The following EYS variants were observed in gnomAD, a reference collection of about 807,000 sequenced individuals.
EYS encodes the protein protein eyes shut homolog.
EYS carries 250 observed loss-of-function variants against 282.1 expected under a neutral mutation model. The ratio of observed to expected loss-of-function variants is 0.89; its 90% CI spans 0.80 to 0.98. EYS has a LOEUF of 0.98. Ranked by LOEUF, EYS falls within the 50% of genes least tolerant of loss-of-function variation. The probability of loss-of-function intolerance (pLI) is 0.00; values close to 1 mark genes in which losing one functional copy is unlikely to be tolerated. For missense variants in EYS, 4,016 were observed against 3,709.0 expected (o/e 1.08, Z -2.15); for synonymous variants, 1,355 against 1,282.9 (o/e 1.06, Z -1.20).
chr6:64,782,432 C>T (rs1176748620), intron 22 of EYS, among the ~76,000 whole-genome samples: 3 of 152,176 alleles, frequency 2.0e-5, no homozygotes, highest in African/African-American at 7.2e-5. Context: ...ATTTAGCTTG[C>T]AAAATGAACA....
At chr6:65,435,888 A>T (rs1243423008) in intron 5 of EYS, among the ~76,000 whole-genome samples, 1 of 152,156 alleles carries the variant, frequency 6.6e-6, no homozygotes, top group Non-Finnish European at 1.5e-5. Flanking sequence ...CCATGTGAGG[A>T]CACAAGATGG....
chr6:64,750,025 C>G (rs1212617645), intron 22 of EYS, among the ~76,000 whole-genome samples: 1 of 151,762 alleles, frequency 6.6e-6, no homozygotes, highest in Non-Finnish European at 1.5e-5. Flanking sequence ...TTTATTTTGT[C>G]ATTTGGGATT....
intron 35 of EYS, among the ~76,000 whole-genome samples, chr6:63,867,813 A>C (rs1172454455): frequency 1.3e-5 from 2 of 152,098 alleles, no homozygotes; most frequent in African/African-American, 4.8e-5. Context: ...TTGCCCTCTG[A>C]GATTCTGATT....
chr6:64,821,561 A>G (rs1205967231), intron 21 of EYS, 84 bp downstream of exon 21: 1 of 672,318 alleles, frequency 1.5e-6, no homozygotes. Context: ...GGAAGAAATG[A>G]CTCTGAAACC....
chr6:64,276,244 C>A (rs529608343), intron 30 of EYS, among the ~76,000 whole-genome samples: 3 of 152,214 alleles, frequency 2.0e-5, no homozygotes, highest in African/African-American at 7.2e-5. Flanking sequence ...AGCACTCAAC[C>A]AATATAATTT....
chr6:63,761,043 AC>A (rs1261787638), intron 41 of EYS, among the ~76,000 whole-genome samples: 1 of 147,608 alleles, frequency 6.8e-6, no homozygotes, highest in African/African-American at 2.5e-5. Flanking sequence ...TAAATATTTA[AC>A]CGATTTTTTT....
At chr6:64,377,261 G>C (rs1478299356) in intron 29 of EYS, among the ~76,000 whole-genome samples, 2 of 152,120 alleles carry the variant, frequency 1.3e-5, no homozygotes, top group African/African-American at 2.4e-5. Flanking sequence ...TCCATAGATA[G>C]TGAATCCAAA....
intron 30 of EYS, among the ~76,000 whole-genome samples, chr6:64,302,697 T>C (rs1472245371): frequency 1.3e-5 from 2 of 151,202 alleles, no homozygotes; most frequent in African/African-American, 4.9e-5. Context: ...AAAGGGGGAG[T>C]ATGAGTAAGG....
chr6:64,519,669 A>C (rs918576279), intron 26 of EYS, among the ~76,000 whole-genome samples: 1 of 151,820 alleles, frequency 6.6e-6, no homozygotes, highest in African/African-American at 2.4e-5. Context: ...CCACCCACCA[A>C]TTGGAGGATG....
Position 64,344,190 on chromosome 6 carries a change from C to T in EYS, c.6079-37108G>A, listed in dbSNP as rs12207160. On this transcript the variant is annotated intron_variant, in intron 29 of 42. Transcript: ENST00000503581. ...CCAATCAATAGAAAAAGAGGGAATC[C>T]TCCCTAACTCATTTCATGAGGCCAG... Among the ~76,000 whole-genome samples, 216 of 152,202 alleles carry T rather than the reference C, an allele frequency of 1.4e-3. 2 individuals are homozygous for T. Among genetic ancestry groups the T allele is most frequent in the Middle Eastern group, 3.4e-3 (1 of 292 alleles).
rs182535520 is a variant in EYS at position 64,639,084 on chromosome 6, G to C, written c.3444-12839C>G. Among the ~76,000 whole-genome samples, 10 of 89,440 alleles carry C rather than the reference G, an allele frequency of 1.1e-4. 2 individuals are homozygous for C. In the East Asian group the frequency reaches 1.2e-3, roughly 11 times the overall value. The allele number at this position is 89,440 out of a possible 152,430, so 58.7% of individuals were successfully genotyped here. On this transcript the variant is annotated intron_variant, in intron 22 of 42. Transcript: ENST00000503581. ...GACAGGATTGGTATCCTCTGAAGCC[G>C]TCTCCTTGACTTGTGAGAGACTGTC...
chr6:63,739,859 A>ATTT (rs34240759), intron 41 of EYS, among the ~76,000 whole-genome samples: 140 of 123,544 alleles, frequency 1.1e-3, no homozygotes, highest in African/African-American at 4.0e-3. Flanking sequence ...ACGCCCAGCT[A>ATTT]TTTTTTTTTT....
chr6:64,730,843 T>C (rs1316414348), intron 22 of EYS: 1 of 152,184 alleles, frequency 6.6e-6, no homozygotes, highest in Non-Finnish European at 1.5e-5. Context: ...TTTATATTAG[T>C]AATACTACAA....
At chr6:65,397,224 A>C (rs1766311417) in intron 7 of EYS, among the ~76,000 whole-genome samples, 1 of 151,822 alleles carries the variant, frequency 6.6e-6, no homozygotes, top group South Asian at 2.1e-4. Flanking sequence ...TAGAGACTAC[A>C]AGTGCAGTTT....
rs986892473 is a variant in EYS at position 64,849,555 on chromosome 6, A to G, written c.2993-26733T>C. Among the ~76,000 whole-genome samples the G allele has an allele frequency of 2.0e-5, 3 of 152,022 alleles. No homozygotes were observed. In the East Asian group the frequency reaches 5.8e-4, roughly 29 times the overall value. On this transcript the variant is annotated intron_variant, in intron 19 of 42. Transcript: ENST00000503581. ...AGTTTATTAGCTCACAGTTTTATATATTAGAAATATAAGTGGGCTTGACTC... is the reference window on the plus strand; with the variant it reads ...AGTTTATTAGCTCACAGTTTTATATGTTAGAAATATAAGTGGGCTTGACTC...
chr6:65,239,951 A>G (rs1341776659), intron 12 of EYS, among the ~76,000 whole-genome samples: 1 of 150,132 alleles, frequency 6.7e-6, no homozygotes, highest in Admixed American at 6.6e-5. Flanking sequence ...AAATCCATGT[A>G]TTTGTAGCAT....
In EYS at chr6:65,114,524, A is replaced by G. The variant is rs1391470193; in HGVS notation, c.2024-56797T>C. ...ATTTCAGGGTGGTTACTGAGAAAATACAGTAGTATTTTCTGTCCTGTCTGG... is the reference window on the plus strand; with the variant it reads ...ATTTCAGGGTGGTTACTGAGAAAATGCAGTAGTATTTTCTGTCCTGTCTGG... On this transcript the variant is annotated intron_variant, in intron 12 of 42. Coordinates refer to ENST00000503581, the MANE Select transcript of EYS (RefSeq NM_001142800.2). 1.3e-5 allele frequency among the ~76,000 whole-genome samples: 2 copies of G among 151,732 alleles called. 1 individual carries two copies. The highest frequency in any genetic ancestry group is 1.3e-4 in the Admixed American group (2 of 15,230).
intron 15 of EYS, among the ~76,000 whole-genome samples, chr6:64,943,956 G>C (rs1049916335): frequency 1.3e-5 from 2 of 151,976 alleles, no homozygotes; most frequent in African/African-American, 4.8e-5. Flanking sequence ...CAAACTATAC[G>C]TAAGTCTACA....
intron 12 of EYS, among the ~76,000 whole-genome samples, chr6:65,092,153 G>C (rs994188011): frequency 6.6e-6 from 1 of 151,850 alleles, no homozygotes; most frequent in Non-Finnish European, 1.5e-5. Flanking sequence ...GATAATTTTT[G>C]GTTCTTTCAT....
Sources: allele counts gnomAD v4.1 joint callset (sites outside exome capture counted in the v4.1 genomes callset), GRCh38; gene constraint gnomAD v4.1.1; transcripts MANE v1.5; gene names NCBI Gene and HGNC (gene_info 2026-07-23, HGNC 2026-07-21).